ITGAX: variants seen among roughly 807,000 people sequenced by gnomAD.
ITGAX encodes integrin subunit alpha X, also known as integrin alpha-X.
ITGAX carries 99 observed loss-of-function variants against 140.2 expected under a neutral mutation model. The ratio of observed to expected loss-of-function variants is 0.71; its 90% CI spans 0.60 to 0.83. ITGAX has a LOEUF of 0.83. ITGAX is among the 40% of genes least tolerant of loss of function. The pLI, the probability that ITGAX is intolerant of heterozygous loss-of-function variation, is 0.00. For missense variants in ITGAX, 1,444 were observed against 1,482.0 expected, an observed-to-expected ratio of 0.97 and a Z score of 0.42; for synonymous variants, 631 against 600.4, an observed-to-expected ratio of 1.05 and a Z score of -0.75.
At chr16:31,372,734 T>C (rs2080982129) in intron 19 of ITGAX, 64 bp downstream of exon 19, 3 of 1,446,060 alleles carry the variant, frequency 2.1e-6, no homozygotes, top group Non-Finnish European at 2.9e-6. Flanking sequence ...CTGGGACTCC[T>C]GCCTCTGGCT....
At position 31,355,241 on chromosome 16, in the gene ITGAX, C is replaced by T. The variant is rs759185748; in HGVS notation, c.-14C>T. On this transcript the variant is annotated 5_prime_UTR_variant, in exon 1 of 30. Coordinates refer to ENST00000268296, the MANE Select transcript of ITGAX (RefSeq NM_000887.5). The stretch of plus-strand genomic sequence containing the variant: ...GGCCCAGGAGCTCAGAGCTCCACAT[C>T]TGACCTTCTAGTCATGACCAGGACC... 1 of 1,613,842 alleles carries T rather than the reference C, an allele frequency of 6.2e-7. No homozygotes were observed. The highest frequency in any genetic ancestry group is 1.1e-5 in the South Asian group (1 of 91,074).
In ITGAX at chr16:31,379,613, G is replaced by A; in HGVS notation, c.2835G>A (p.Glu945=). ...TKYLNFSESE[E]KESHVAMHRY... is the part of the protein sequence containing the mutation. ...ACCTCAACTTCTCAGAGTCTGAGGA[G>A]AAGGAAAGCCATGTGGCCATGCACA... Residue 945 remains glutamate (E), a synonymous_variant, in exon 24 of 30, where the codon GAG becomes GAA. Transcript: ENST00000268296. 1.9e-6 allele frequency: 3 copies of A among 1,563,350 alleles called. No individual in the cohort carries two copies. The highest frequency in any genetic ancestry group is 2.6e-6 in the Non-Finnish European group (3 of 1,152,624).
Position 31,371,413 on chromosome 16 carries a change from G to C in ITGAX, c.1921G>C (p.Glu641Gln). The C allele has an allele frequency of 6.2e-7, 1 of 1,614,184 alleles. No individual in the cohort carries two copies. Among genetic ancestry groups the C allele is most frequent in the African/African-American group, 1.3e-5 (1 of 75,054 alleles). The change falls in exon 16 of 30, where the codon GAG (glutamate) becomes CAG (glutamine). Residue 641 changes from glutamate to glutamine, a missense_variant. Coordinates refer to ENST00000268296, the MANE Select transcript of ITGAX (RefSeq NM_000887.5). ...CCCCAGGTCTGCGTTTGAGTGTCGG[G>C]AGCAGGTGGTCTCTGAGCAGACCCT... The part of the protein sequence containing the change: ...EIPRSAFECR[E>Q]QVVSEQTLVQ...
At chr16:31,381,710 T>C (rs765443396) in intron 29 of ITGAX, 93 bp from the exon 30 acceptor site, 1 of 787,446 alleles carries the variant, frequency 1.3e-6, no homozygotes, top group Non-Finnish European at 2.2e-6. Context: ...CTAGCAAGGA[T>C]TTCAGAAATA....
chr16:31,377,310 C>A (rs759535748), intron 23 of ITGAX, 45 bp downstream of exon 23: 5 of 1,399,528 alleles, frequency 3.6e-6, no homozygotes, highest in African/African-American at 2.0e-5. Context: ...TTCTCTCTGA[C>A]CTCAAAAAGA....
intron 14 of ITGAX, 107 bp downstream of exon 14, chr16:31,363,481 C>A: frequency 1.6e-6 from 2 of 1,244,446 alleles, no homozygotes; most frequent in East Asian, 2.4e-5. Flanking sequence ...CTCCCTTGCC[C>A]AGCTCTGAGC....
chr16:31,360,902 T>A (rs2080817284), intron 8 of ITGAX, 161 bp from the exon 9 acceptor site: 1 of 663,284 alleles, frequency 1.5e-6, no homozygotes, highest in Admixed American at 3.0e-5. Context: ...ACCATGATCC[T>A]TTCTCCTAAA....
intron 11 of ITGAX, 120 bp from the exon 12 acceptor site, chr16:31,362,491 T>A: frequency 8.0e-7 from 1 of 1,249,804 alleles, no homozygotes; most frequent in Non-Finnish European, 1.1e-6. Flanking sequence ...GGGGCTGCAT[T>A]GCCCAGGGTG....
At chr16:31,362,808 C>CT in intron 12 of ITGAX, 55 bp downstream of exon 12, 3 of 1,609,246 alleles carry the variant, frequency 1.9e-6, no homozygotes, top group Non-Finnish European at 2.5e-6. Context: ...GTGGCTGGGG[C>CT]AGAGGAGAGG....
intron 14 of ITGAX, 92 bp downstream of exon 14, chr16:31,363,466 C>A (rs2080860123): frequency 1.4e-6 from 2 of 1,425,586 alleles, no homozygotes; most frequent in Non-Finnish European, 2.0e-6. Context: ...TTTACCTTTT[C>A]CTACCTCCCT....
At chr16:31,373,777 A>G (rs2080995291) in intron 20 of ITGAX, among the ~76,000 whole-genome samples, 1 of 152,188 alleles carries the variant, frequency 6.6e-6, no homozygotes, top group Admixed American at 6.5e-5. Flanking sequence ...GATAGTAAAT[A>G]TTTCAGCTTC....
intron 14 of ITGAX, among the ~76,000 whole-genome samples, chr16:31,364,172 C>T (rs1351622509): frequency 5.9e-5 from 9 of 152,000 alleles, no homozygotes; most frequent in East Asian, 1.9e-4. Flanking sequence ...TCTGTAATTC[C>T]GACACTTTGG....
At position 31,377,214 on chromosome 16, in the gene ITGAX, C is replaced by A. The variant is rs1017918058; in HGVS notation, c.2738C>A (p.Thr913Asn). ...AACACTCCCAGGACCAGCAAGACCACCTTCCAGCTGGAGCTCCCGGTGAAG... is the reference window on the plus strand; with the variant it reads ...AACACTCCCAGGACCAGCAAGACCAACTTCCAGCTGGAGCTCCCGGTGAAG... The part of the protein sequence containing the change: ...ENNTPRTSKT[T>N]FQLELPVKYA... Residue 913 changes from threonine to asparagine, a missense_variant, in exon 23 of 30, where the codon ACC (threonine) becomes AAC (asparagine). Coordinates refer to ENST00000268296, the MANE Select transcript of ITGAX (RefSeq NM_000887.5). 10 of 1,614,070 alleles carry A rather than the reference C, an allele frequency of 6.2e-6. No individual in the cohort carries two copies. The highest frequency in any genetic ancestry group is 3.3e-4 in the Middle Eastern group (2 of 6,062).
intron 5 of ITGAX, among the ~76,000 whole-genome samples, 161 bp from the exon 6 acceptor site, chr16:31,359,539 C>G (rs1026179134): frequency 5.3e-5 from 8 of 152,188 alleles, no homozygotes; most frequent in African/African-American, 1.9e-4. Flanking sequence ...AGCTCTGCCC[C>G]TGATGAGGAG....
At position 31,357,042 on chromosome 16, in the gene ITGAX, G is replaced by C. The variant is rs770023120; in HGVS notation, c.259G>C (p.Ala87Pro). 8 of 1,609,846 alleles carry C rather than the reference G, an allele frequency of 5.0e-6. No homozygotes were observed. The highest frequency in any genetic ancestry group is 6.8e-6 in the Non-Finnish European group (8 of 1,179,444). The part of the protein sequence containing the change: ...EPIGLQVPPE[A>P]VNMSLGLSLA... ...ATCTGTCCCCACAGTGCCCCCGGAG[G>C]CCGTGAACATGTCCCTGGGCCTGTC... Residue 87 changes from alanine (A) to proline (P), a missense_variant, in exon 4 of 30, where the codon GCC (alanine) becomes CCC (proline). By Grantham distance (27) the Ala-to-Pro change is conservative. Coordinates refer to ENST00000268296, the MANE Select transcript of ITGAX (RefSeq NM_000887.5).
intron 14 of ITGAX, chr16:31,370,194 G>A (rs902713423): frequency 2.6e-5 from 4 of 152,204 alleles, no homozygotes; most frequent in Admixed American, 2.6e-4. Context: ...GACCTCAGAT[G>A]ACCCACCCGC....
chr16:31,360,955 C>G (rs1419185548), intron 8 of ITGAX, 108 bp from the exon 9 acceptor site: 3 of 1,062,522 alleles, frequency 2.8e-6, no homozygotes, highest in Non-Finnish European at 4.2e-6. Flanking sequence ...CTGTGTCCAC[C>G]GGGTGTGATC....
rs138021025 is a variant in ITGAX at position 31,363,542 on chromosome 16, G to T, written c.1710+168G>T. The stretch of plus-strand genomic sequence containing the variant: ...GCTCACTGCAACCTCCGCCTCCCAG[G>T]TTCAAGCGATTCTCTGCCTCAGCCT... On this transcript the variant is annotated intron_variant, in intron 14 of 29. Coordinates refer to ENST00000268296, the MANE Select transcript of ITGAX (RefSeq NM_000887.5). Among the ~76,000 whole-genome samples the T allele has an allele frequency of 4.8e-4, 73 of 152,306 alleles. No individual in the cohort carries two copies. The East Asian group carries it at 0.011, about 22-fold the overall frequency.
intron 14 of ITGAX, among the ~76,000 whole-genome samples, chr16:31,368,601 T>G (rs904387298): frequency 9.2e-5 from 14 of 151,610 alleles, no homozygotes; most frequent in Non-Finnish European, 2.1e-4. Context: ...TATTTTTTAT[T>G]TATTTTTTTA....
Sources: gnomAD v4.1 joint callset for allele counts (sites outside exome capture counted in the v4.1 genomes callset) on GRCh38, gnomAD v4.1.1 for gene constraint, MANE v1.5 for transcripts, NCBI Gene and HGNC (gene_info 2026-07-23, HGNC 2026-07-21) for gene names.